Variants in TRPC6 observed in about 807,000 individuals in gnomAD.
The protein encoded by TRPC6 is short transient receptor potential channel 6.
In TRPC6, 55 loss-of-function variants were observed where a neutral mutation model predicts 90.7. That is an observed-to-expected ratio of 0.61 (90% confidence interval 0.49 to 0.76). The LOEUF is 0.76. TRPC6 is among the 30% of genes least tolerant of loss of function. TRPC6 has a pLI of 0.00. For missense variants in TRPC6, 989 were observed against 1,122.7 expected (o/e 0.88, Z 1.70); for synonymous variants, 393 against 393.0 (o/e 1.00, Z 0.00).
At chr11:101,470,900 CA>C (rs1465110807) in intron 9 of TRPC6, among the ~76,000 whole-genome samples, 1 of 146,834 alleles carries the variant, frequency 6.8e-6, no homozygotes, top group Non-Finnish European at 1.5e-5. Context: ...GCCATAACAG[CA>C]AAAAAGCAGC....
At chr11:101,564,313 CA>C (rs1861781879) in intron 1 of TRPC6, among the ~76,000 whole-genome samples, 1 of 152,110 alleles carries the variant, frequency 6.6e-6, no homozygotes, top group Non-Finnish European at 1.5e-5. Context: ...TTTTATATAA[CA>C]ATCATATACA....
At position 101,479,280 on chromosome 11, in the gene TRPC6, G is replaced by A. The variant is rs116875580; in HGVS notation, c.1511-2746C>T. 2.0e-5 allele frequency among the ~76,000 whole-genome samples: 3 copies of A among 152,314 alleles called. No homozygotes were observed. In the East Asian group the frequency reaches 5.8e-4, roughly 29 times the overall value. ...TCCTTCTGTTGAAGAGTCAGCCCAG[G>A]ACTGCATCTGCTTTCTCAGCAGCTC... On this transcript the variant is annotated intron_variant, in intron 5 of 12. Coordinates refer to ENST00000344327, the MANE Select transcript of TRPC6 (RefSeq NM_004621.6).
At chr11:101,514,148 C>G (rs750521575) in intron 1 of TRPC6, among the ~76,000 whole-genome samples, 2 of 152,146 alleles carry the variant, frequency 1.3e-5, no homozygotes, top group Non-Finnish European at 2.9e-5. Context: ...CCACCACCAC[C>G]GGGATCGTAA....
chr11:101,557,673 G>A (rs1416370264), intron 1 of TRPC6, among the ~76,000 whole-genome samples: 5 of 151,652 alleles, frequency 3.3e-5, no homozygotes, highest in South Asian at 2.1e-4. Flanking sequence ...AAAGTTGCAG[G>A]ATACAAAATC....
rs1859415042 is a variant in TRPC6 at position 101,476,245 on chromosome 11, CT to C, written c.1744+55del. The C allele has an allele frequency of 6.2e-6, 9 of 1,455,188 alleles. No homozygotes were observed. In the East Asian group the frequency reaches 2.1e-4, roughly 33 times the overall value. The allele number at this position is 1,455,188 out of a possible 1,614,324, so 90.1% of individuals were successfully genotyped here. Reference sequence around the variant, plus strand: ...GCAGTAACCGAACTACTACTGACATCTGTTTTACAAGAAAATTCTGCATTTT... The same window carrying C: ...GCAGTAACCGAACTACTACTGACATCGTTTTACAAGAAAATTCTGCATTTT... On this transcript the variant is annotated intron_variant, in intron 6 of 12. Transcript: ENST00000344327.
intron 4 of TRPC6, 26 bp downstream of exon 4, chr11:101,488,911 T>C (rs778477661): frequency 3.7e-6 from 6 of 1,613,676 alleles, no homozygotes; most frequent in African/African-American, 1.3e-5. Context: ...TAGTAGATAA[T>C]AGAGGTCCAG....
At chr11:101,459,691 T>C (rs1049368848) in intron 10 of TRPC6, among the ~76,000 whole-genome samples, 4 of 152,224 alleles carry the variant, frequency 2.6e-5, no homozygotes, top group Non-Finnish European at 4.4e-5. Flanking sequence ...TTTGATTTTA[T>C]TTTAATTTTT....
chr11:101,462,784 T>C (rs1470404089), intron 10 of TRPC6, among the ~76,000 whole-genome samples: 1 of 152,146 alleles, frequency 6.6e-6, no homozygotes, highest in African/African-American at 2.4e-5. Flanking sequence ...TCTTTTCCTA[T>C]TTGAATACCC....
chr11:101,548,976 G>T (rs1342470799), intron 1 of TRPC6, among the ~76,000 whole-genome samples: 3 of 151,850 alleles, frequency 2.0e-5, no homozygotes, highest in Non-Finnish European at 4.4e-5. Context: ...CAAGGGTAGG[G>T]TTCATGCAGA....
intron 1 of TRPC6, among the ~76,000 whole-genome samples, chr11:101,541,684 C>G (rs980977166): frequency 6.6e-6 from 1 of 152,122 alleles, no homozygotes; most frequent in South Asian, 2.1e-4. Flanking sequence ...CCTACTTTTG[C>G]CAACTGCTGA....
rs763251833 is a variant in TRPC6, at chr11:101,483,196, A to C, written c.1294-31T>G. 6 of 1,612,192 alleles carry C rather than the reference A, an allele frequency of 3.7e-6. No homozygotes were observed. The Admixed American group carries it at 5.0e-5, about 13-fold the overall frequency. ...ACAACACACACCAAAATAAAATCTT[A>C]ACTTTGTTTTGTACACTTTGCAAAA... On this transcript the variant is annotated intron_variant, in intron 4 of 12. Transcript: ENST00000344327.
At chr11:101,579,191 T>C (rs12275413) in intron 1 of TRPC6, among the ~76,000 whole-genome samples, 53,088 of 152,022 alleles carry the variant, frequency 0.35, 10,100 homozygotes, top group Non-Finnish European at 0.44. Context: ...ATCAATTATG[T>C]TCTAATCTGC....
intron 1 of TRPC6, among the ~76,000 whole-genome samples, chr11:101,580,040 C>G (rs993140053): frequency 6.6e-6 from 1 of 152,072 alleles, no homozygotes; most frequent in East Asian, 1.9e-4. Context: ...AATCTTTTAT[C>G]CAGTACTGCC....
chr11:101,557,045 G>A (rs1365652795), intron 1 of TRPC6, among the ~76,000 whole-genome samples: 1 of 152,124 alleles, frequency 6.6e-6, no homozygotes, highest in Non-Finnish European at 1.5e-5. Context: ...ATTACGTATA[G>A]AAGAAAGGTA....
chr11:101,575,838 T>C (rs1403552988), intron 1 of TRPC6, among the ~76,000 whole-genome samples: 1 of 152,162 alleles, frequency 6.6e-6, no homozygotes, highest in Non-Finnish European at 1.5e-5. Flanking sequence ...TTAGATATAA[T>C]GAGCACAGCA....
At chr11:101,524,152 T>C (rs1404594261) in intron 1 of TRPC6, among the ~76,000 whole-genome samples, 1 of 152,230 alleles carries the variant, frequency 6.6e-6, no homozygotes, top group East Asian at 1.9e-4. Flanking sequence ...ACAACAGCCT[T>C]CCATTTTCAA....
chr11:101,482,809 G>C, intron 5 of TRPC6, 140 bp downstream of exon 5: 2 of 905,678 alleles, frequency 2.2e-6, no homozygotes, highest in Admixed American at 2.0e-5. Context: ...TGTACTTTAG[G>C]AACACAAAGA....
intron 1 of TRPC6, among the ~76,000 whole-genome samples, chr11:101,536,039 A>G (rs1861037718): frequency 6.6e-6 from 1 of 152,254 alleles, no homozygotes; most frequent in East Asian, 1.9e-4. Context: ...AAATAAGCAG[A>G]CAGACTTCTC....
intron 5 of TRPC6, among the ~76,000 whole-genome samples, chr11:101,482,036 G>T (rs1030830820): frequency 2.0e-5 from 3 of 152,112 alleles, no homozygotes; most frequent in African/African-American, 7.2e-5. Context: ...TGAAGATACT[G>T]CCCAGGAAGG....
Sources: gnomAD v4.1 joint callset for allele counts (sites outside exome capture counted in the v4.1 genomes callset) on GRCh38, gnomAD v4.1.1 for gene constraint, MANE v1.5 for transcripts, NCBI Gene and HGNC (gene_info 2026-07-23, HGNC 2026-07-21) for gene names.